Variants in FARS2 observed in about 807,000 individuals in gnomAD.
FARS2 encodes phenylalanyl-tRNA synthetase 2, mitochondrial.
In FARS2, 40 loss-of-function variants were observed where a neutral mutation model predicts 46.4. The ratio of observed to expected loss-of-function variants is 0.86; its 90% confidence interval spans 0.67 to 1.12. FARS2 has a LOEUF of 1.12. Among genes scored for constraint, FARS2 ranks in the 50% most tolerant of loss-of-function variants. The probability of loss-of-function intolerance (pLI) is 0.00; values close to 1 mark genes in which losing one functional copy is unlikely to be tolerated. For synonymous variants in FARS2, 234 were observed against 214.9 expected, an observed-to-expected ratio of 1.09 and a Z score of -0.78; for missense variants, 513 against 567.9, an observed-to-expected ratio of 0.90 and a Z score of 0.98.
chr6:5,373,480 C>T (rs1716130625), intron 2 of FARS2, among the ~76,000 whole-genome samples: 1 of 152,062 alleles, frequency 6.6e-6, no homozygotes, highest in Admixed American at 6.6e-5. Context: ...CATATTCAGG[C>T]TGTGGGAAAT....
At chr6:5,641,136 C>CTT (rs1776795137) in intron 6 of FARS2, among the ~76,000 whole-genome samples, 1 of 152,108 alleles carries the variant, frequency 6.6e-6, no homozygotes, top group African/African-American at 2.4e-5. Context: ...TCAGAACACC[C>CTT]TTCACTTCCC....
chr6:5,634,020 A>G (rs1776423414), intron 6 of FARS2, among the ~76,000 whole-genome samples: 1 of 152,156 alleles, frequency 6.6e-6, no homozygotes, highest in African/African-American at 2.4e-5. Context: ...GTCATATCCA[A>G]CATTTTTTTC....
chr6:5,387,328 C>G (rs941462950), intron 2 of FARS2, among the ~76,000 whole-genome samples: 2 of 152,156 alleles, frequency 1.3e-5, no homozygotes, highest in Non-Finnish European at 2.9e-5. Context: ...GGAAGGCACC[C>G]TTTTCCTGTT....
intron 3 of FARS2, among the ~76,000 whole-genome samples, chr6:5,418,802 C>T (rs1020385377): frequency 7.9e-5 from 12 of 152,174 alleles, no homozygotes; most frequent in African/African-American, 2.9e-4. Flanking sequence ...GGTCTCACCC[C>T]TCTGGGGGGT....
At chr6:5,710,258 C>T (rs901232070) in intron 6 of FARS2, among the ~76,000 whole-genome samples, 1 of 152,168 alleles carries the variant, frequency 6.6e-6, no homozygotes, top group African/African-American at 2.4e-5. Flanking sequence ...CACATCCCTC[C>T]CTTGGTCAGG....
intron 1 of FARS2, among the ~76,000 whole-genome samples, chr6:5,308,256 G>A (rs1768858824): frequency 6.6e-6 from 1 of 152,184 alleles, no homozygotes; most frequent in African/African-American, 2.4e-5. Context: ...AGTCACAGAA[G>A]CAGGAAGGAG....
At chr6:5,697,852 CA>C (rs1758197303) in intron 6 of FARS2, among the ~76,000 whole-genome samples, 1 of 152,058 alleles carries the variant, frequency 6.6e-6, no homozygotes, top group Admixed American at 6.5e-5. Flanking sequence ...AAAAGAATAT[CA>C]AGCTAAATCC....
At chr6:5,371,079 A>G in intron 2 of FARS2, 1 of 431,274 alleles carries the variant, frequency 2.3e-6, no homozygotes. Flanking sequence ...TTCTGAATTC[A>G]TTGCCTGTTT....
chr6:5,501,625 G>C (rs1434605336), intron 4 of FARS2, among the ~76,000 whole-genome samples: 1 of 152,114 alleles, frequency 6.6e-6, no homozygotes, highest in East Asian at 1.9e-4. Context: ...CTCCTGAGTA[G>C]CTGGGACTAC....
intron 4 of FARS2, among the ~76,000 whole-genome samples, chr6:5,541,749 T>C (rs1770650534): frequency 6.6e-6 from 1 of 152,108 alleles, no homozygotes; most frequent in Non-Finnish European, 1.5e-5. Context: ...AGCAAGTTTA[T>C]TAAGAAAGTA....
At chr6:5,661,313 T>G (rs1284536222) in intron 6 of FARS2, among the ~76,000 whole-genome samples, 1 of 152,208 alleles carries the variant, frequency 6.6e-6, no homozygotes, top group African/African-American at 2.4e-5. Context: ...GTTGCACAGA[T>G]AGTTTGAAAC....
chr6:5,306,424 C>T (rs1768705654), intron 1 of FARS2, among the ~76,000 whole-genome samples: 1 of 152,152 alleles, frequency 6.6e-6, no homozygotes, highest in Admixed American at 6.5e-5. Flanking sequence ...ATGACTGGAT[C>T]CTGCTCATTC....
chr6:5,619,223 T>C (rs1305831039), intron 6 of FARS2, among the ~76,000 whole-genome samples: 2 of 152,224 alleles, frequency 1.3e-5, no homozygotes, highest in Non-Finnish European at 2.9e-5. Flanking sequence ...TTGGTCTGGC[T>C]TTAAGACAGA....
chr6:5,502,029 A>G (rs1402802317), intron 4 of FARS2, among the ~76,000 whole-genome samples: 1 of 152,192 alleles, frequency 6.6e-6, no homozygotes, highest in East Asian at 1.9e-4. Context: ...TGAATGAAGC[A>G]TGCAGGTGCT....
intron 6 of FARS2, among the ~76,000 whole-genome samples, chr6:5,643,732 T>C (rs1776937974): frequency 6.6e-6 from 1 of 152,048 alleles, no homozygotes; most frequent in African/African-American, 2.4e-5. Context: ...TTTCCAAGGG[T>C]AAACTGCTTG....
chr6:5,693,584 A>G (rs1333023922), intron 6 of FARS2, among the ~76,000 whole-genome samples: 1 of 152,240 alleles, frequency 6.6e-6, no homozygotes, highest in Non-Finnish European at 1.5e-5. Flanking sequence ...ATCTATTGCC[A>G]TGTAACAAAC....
intron 1 of FARS2, among the ~76,000 whole-genome samples, chr6:5,287,029 C>T (rs146727276): frequency 6.3e-4 from 96 of 152,338 alleles, no homozygotes; most frequent in African/African-American, 2.2e-3. Flanking sequence ...ATGGCCATTG[C>T]CCCGTGGCTT....
At chr6:5,300,170 C>T (rs1768195788) in intron 1 of FARS2, among the ~76,000 whole-genome samples, 1 of 152,158 alleles carries the variant, frequency 6.6e-6, no homozygotes, top group East Asian at 1.9e-4. Context: ...TTAGAGCCCT[C>T]ACTGAGGGCA....
rs1300555503 is a variant in FARS2 at position 5,405,694 on chromosome 6, G to C, written c.772+993G>C. Among the ~76,000 whole-genome samples, 6 of 151,752 alleles carry C rather than the reference G, an allele frequency of 4.0e-5. No homozygotes were observed. The South Asian group carries it at 1.3e-3, about 32-fold the overall frequency. ...TTTTTAGTAGAGACAGGGTTTCACC[G>C]TGTTTGCCAAGATGGTCTCGATCTC... On this transcript the variant is annotated intron_variant, in intron 3 of 6. Transcript: ENST00000274680.
Sources: gnomAD v4.1 joint callset for allele counts (sites outside exome capture counted in the v4.1 genomes callset) on GRCh38, gnomAD v4.1.1 for gene constraint, MANE v1.5 for transcripts, NCBI Gene and HGNC (gene_info 2026-07-23, HGNC 2026-07-21) for gene names.